The following GABBR2 variants were observed in gnomAD, a reference collection of about 807,000 sequenced individuals.
GABBR2 encodes G-protein coupled receptor 51.
Under a neutral mutation model 105.6 loss-of-function variants are expected in GABBR2, and 23 were observed. That is an observed-to-expected ratio of 0.22 (90% CI 0.16 to 0.31). The LOEUF (loss-of-function observed/expected upper bound fraction) is 0.31. Among genes scored for constraint, GABBR2 ranks in the 10% least tolerant of loss-of-function variants. The pLI is 1.00. For synonymous variants in GABBR2, 478 were observed against 499.7 expected, an observed-to-expected ratio of 0.96 and a Z score of 0.58; for missense variants, 734 against 1,245.5, an observed-to-expected ratio of 0.59 and a Z score of 6.18.
intron 13 of GABBR2, among the ~76,000 whole-genome samples, chr9:98,351,846 T>C (rs670537): frequency 0.66 from 99,996 of 152,116 alleles, 33,515 homozygotes; most frequent in Admixed American, 0.74. Context: ...AATATGTTAT[T>C]GGAGAATTAT....
At chr9:98,498,023 T>C (rs1281193518) in intron 3 of GABBR2, among the ~76,000 whole-genome samples, 2 of 152,218 alleles carry the variant, frequency 1.3e-5, no homozygotes, top group Non-Finnish European at 2.9e-5. Context: ...TTGTGGTGTA[T>C]ACAGACAGTG....
chr9:98,347,045 T>G (rs1831314780), intron 13 of GABBR2, among the ~76,000 whole-genome samples: 1 of 152,182 alleles, frequency 6.6e-6, no homozygotes, highest in Non-Finnish European at 1.5e-5. Flanking sequence ...AATATAGGGG[T>G]GCAAGTATCC....
chr9:98,554,355 CAAAG>C (rs1051727694), intron 2 of GABBR2, among the ~76,000 whole-genome samples: 2 of 147,596 alleles, frequency 1.4e-5, no homozygotes, highest in Non-Finnish European at 3.0e-5. Context: ...GAGGCCCTGT[CAAAG>C]AAAGAAAGAA....
At chr9:98,520,466 G>A (rs1827846127) in intron 3 of GABBR2, among the ~76,000 whole-genome samples, 1 of 152,180 alleles carries the variant, frequency 6.6e-6, no homozygotes, top group South Asian at 2.1e-4. Context: ...GGGTAGGGAG[G>A]CAGCTGTTCA....
At position 98,581,605 on chromosome 9, in the gene GABBR2, C is replaced by T. The variant is rs563324496; in HGVS notation, c.322-3533G>A. ...ATCCCTGTTCCTTGATTGAAAGCAA[C>T]ACTTCTCACCCCCAACAGAGCACGA... On this transcript the variant is annotated intron_variant, in intron 1 of 18. Transcript: ENST00000259455. 1.6e-4 allele frequency among the ~76,000 whole-genome samples: 25 copies of T among 152,102 alleles called. No individual in the cohort carries two copies. In the South Asian group the frequency reaches 4.2e-3, roughly 25 times the overall value.
At chr9:98,507,736 C>A (rs1827542221) in intron 3 of GABBR2, among the ~76,000 whole-genome samples, 1 of 152,190 alleles carries the variant, frequency 6.6e-6, no homozygotes, top group African/African-American at 2.4e-5. Flanking sequence ...ACTCCACAGT[C>A]CTGGGCTCAA....
At chr9:98,432,805 G>A (rs1197906235) in intron 7 of GABBR2, among the ~76,000 whole-genome samples, 2 of 152,134 alleles carry the variant, frequency 1.3e-5, no homozygotes, top group Admixed American at 6.6e-5. Flanking sequence ...ACAGAACTCA[G>A]CCCCACGTGA....
chr9:98,701,956 T>C (rs1426085291), intron 1 of GABBR2, among the ~76,000 whole-genome samples: 2 of 152,162 alleles, frequency 1.3e-5, no homozygotes, highest in African/African-American at 4.8e-5. Flanking sequence ...AGCAGCGATA[T>C]TTCCTGAGCA....
At chr9:98,493,416 T>C (rs756248548) in intron 4 of GABBR2, among the ~76,000 whole-genome samples, 9 of 152,236 alleles carry the variant, frequency 5.9e-5, no homozygotes, top group Non-Finnish European at 1.3e-4. Flanking sequence ...ATTTTGATTC[T>C]GTTTCTTTTG....
chr9:98,439,030 G>A (rs567200400), intron 7 of GABBR2, among the ~76,000 whole-genome samples: 38 of 152,040 alleles, frequency 2.5e-4, no homozygotes, highest in Non-Finnish European at 3.5e-4. Flanking sequence ...CTTGTCATAC[G>A]TGTGCCACCC....
chr9:98,382,401 C>T (rs10986078), intron 11 of GABBR2, among the ~76,000 whole-genome samples: 17,764 of 152,110 alleles, frequency 0.12, 1,364 homozygotes, highest in African/African-American at 0.21. Flanking sequence ...GCAAGCTCCG[C>T]CTCCCAGGTT....
At chr9:98,550,299 C>T (rs1828466599) in intron 2 of GABBR2, among the ~76,000 whole-genome samples, 1 of 152,066 alleles carries the variant, frequency 6.6e-6, no homozygotes, top group Non-Finnish European at 1.5e-5. Flanking sequence ...GCTTTCATGC[C>T]CAAGAAAGCA....
chr9:98,708,842 G>T lies in GABBR2; in HGVS notation c.-105C>A. On this transcript the variant is annotated 5_prime_UTR_variant, in exon 1 of 19. Transcript: ENST00000259455. ...CCGCGGCGCCCGCGCAATGGCGCCG[G>T]CCCGGGCCCCGGCTCCGTCTCGGGC... 1 of 630,528 alleles carries T rather than the reference G, an allele frequency of 1.6e-6. No homozygotes were observed. Among genetic ancestry groups the T allele is most frequent in the Non-Finnish European group, 2.0e-6 (1 of 507,304 alleles). The allele number at this position is 630,528 out of a possible 1,614,324, so 39.1% of individuals were successfully genotyped here.
intron 2 of GABBR2, among the ~76,000 whole-genome samples, chr9:98,577,645 G>C (rs1408000133): frequency 6.6e-6 from 1 of 152,198 alleles, no homozygotes; most frequent in African/African-American, 2.4e-5. Flanking sequence ...ACACTGGGCA[G>C]GCAGGTTGGA....
At position 98,487,708 on chromosome 9, in the gene GABBR2, G is replaced by T. The variant is rs146210453; in HGVS notation, c.733-6711C>A. On this transcript the variant is annotated intron_variant, in intron 4 of 18. Coordinates refer to ENST00000259455, the MANE Select transcript of GABBR2 (RefSeq NM_005458.8). ...TGGGAGGATTGCTTGAGCCCAGGAA[G>T]TTGAGGCTGCAGTGAGCTGTGATTA... is the stretch of plus-strand genomic sequence containing the variant. Among the ~76,000 whole-genome samples, 1,110 of 152,054 alleles carry T rather than the reference G, an allele frequency of 7.3e-3. 11 individuals are homozygous for T. Among genetic ancestry groups the T allele is most frequent in the African/African-American group, 0.026 (1,071 of 41,444 alleles).
intron 1 of GABBR2, among the ~76,000 whole-genome samples, chr9:98,603,317 G>A (rs1044659042): frequency 1.3e-5 from 2 of 152,156 alleles, no homozygotes; most frequent in Admixed American, 6.5e-5. Context: ...CTCAGGCAAA[G>A]GATTTGGTCT....
At chr9:98,327,054 T>C (rs764136630) in intron 13 of GABBR2, among the ~76,000 whole-genome samples, 55 of 152,218 alleles carry the variant, frequency 3.6e-4, no homozygotes, top group Non-Finnish European at 6.0e-4. Flanking sequence ...CCTGTTGGGC[T>C]AAACGCTTCT....
At chr9:98,295,075 T>G (rs1830359124) in intron 17 of GABBR2, among the ~76,000 whole-genome samples, 1 of 152,226 alleles carries the variant, frequency 6.6e-6, no homozygotes, top group South Asian at 2.1e-4. Flanking sequence ...TGTGTACAGT[T>G]GATCCTCATT....
intron 13 of GABBR2, among the ~76,000 whole-genome samples, chr9:98,342,597 C>T (rs547506199): frequency 2.6e-5 from 4 of 152,320 alleles, no homozygotes; most frequent in African/African-American, 9.6e-5. Context: ...AGTTCCACTG[C>T]CCTGCCTGGA....
Sources: gnomAD v4.1 joint callset for allele counts (sites outside exome capture counted in the v4.1 genomes callset) on GRCh38, gnomAD v4.1.1 for gene constraint, MANE v1.5 for transcripts, NCBI Gene and HGNC (gene_info 2026-07-23, HGNC 2026-07-21) for gene names.